ASXL2: variants seen among roughly 807,000 people sequenced by gnomAD.
ASXL2 encodes the protein putative Polycomb group protein ASXL2.
A neutral mutation model predicts 122.0 loss-of-function variants in ASXL2; 23 were observed. That is an observed-to-expected ratio of 0.19 (90% CI 0.14 to 0.27). The LOEUF is 0.27. Among genes scored for constraint, ASXL2 ranks in the 10% least tolerant of loss-of-function variants. The pLI, the probability that ASXL2 is intolerant of heterozygous loss-of-function variation, is 1.00. For synonymous variants in ASXL2, 650 were observed against 637.0 expected, an observed-to-expected ratio of 1.02 and a Z score of -0.31; for missense variants, 1,518 against 1,713.8, an observed-to-expected ratio of 0.89 and a Z score of 2.02.
intron 10 of ASXL2, among the ~76,000 whole-genome samples, chr2:25,754,511 T>G (rs1250156280): frequency 1.3e-5 from 2 of 152,078 alleles, no homozygotes; most frequent in African/African-American, 4.8e-5. Flanking sequence ...AAAAGAGAGA[T>G]TTGGCTGTCA....
intron 1 of ASXL2, among the ~76,000 whole-genome samples, chr2:25,876,151 T>C (rs2090008189): frequency 1.3e-5 from 2 of 152,182 alleles, no homozygotes; most frequent in Non-Finnish European, 1.5e-5. Context: ...CTTCATGTAT[T>C]TGCCAGAATC....
intron 5 of ASXL2, among the ~76,000 whole-genome samples, chr2:25,778,424 T>C (rs1416317390): frequency 1.3e-5 from 2 of 152,142 alleles, no homozygotes; most frequent in Non-Finnish European, 2.9e-5. Flanking sequence ...AGAGCCTCTG[T>C]AGGGAGTGCA....
intron 12 of ASXL2, among the ~76,000 whole-genome samples, chr2:25,748,191 C>T (rs1261267400): frequency 6.7e-6 from 1 of 149,266 alleles, no homozygotes; most frequent in Middle Eastern, 3.5e-3. Flanking sequence ...GGGCAAAAAA[C>T]AAGCAATGAA....
intron 5 of ASXL2, among the ~76,000 whole-genome samples, chr2:25,798,601 T>C (rs887041664): frequency 7.2e-5 from 11 of 152,020 alleles, no homozygotes; most frequent in African/African-American, 2.7e-4. Context: ...CCATCTCTAC[T>C]AAAAATACAA....
intron 5 of ASXL2, among the ~76,000 whole-genome samples, chr2:25,786,381 C>T (rs2088746811): frequency 6.6e-6 from 1 of 151,914 alleles, no homozygotes; most frequent in South Asian, 2.1e-4. Context: ...GCTGGGACTA[C>T]AGGCGCATGC....
intron 11 of ASXL2, 149 bp downstream of exon 11, chr2:25,753,385 A>G (rs2149142827): frequency 1.9e-6 from 1 of 528,926 alleles, no homozygotes; most frequent in East Asian, 3.1e-5. Context: ...CTTCCTAAAG[A>G]AGAATCAGTG....
intron 5 of ASXL2, among the ~76,000 whole-genome samples, chr2:25,785,251 A>G (rs2088719124): frequency 6.6e-6 from 1 of 152,310 alleles, no homozygotes; most frequent in South Asian, 2.1e-4. Context: ...TTTGAGACAG[A>G]GTCTCGCTCT....
At chr2:25,844,648 A>G (rs1229645550) in intron 2 of ASXL2, among the ~76,000 whole-genome samples, 2 of 145,760 alleles carry the variant, frequency 1.4e-5, no homozygotes, top group Non-Finnish European at 1.6e-5. Flanking sequence ...GTATTACTGT[A>G]ATTTTTTTTT....
intron 4 of ASXL2, among the ~76,000 whole-genome samples, 160 bp from the exon 5 acceptor site, chr2:25,799,695 T>C (rs1462051110): frequency 6.6e-6 from 1 of 152,158 alleles, no homozygotes; most frequent in African/African-American, 2.4e-5. Context: ...TGTCATCTCT[T>C]TGAGGCAAAT....
rs147105802 is a variant in ASXL2, at chr2:25,790,843, A to T, written c.403+8542T>A. 3.8e-3 allele frequency among the ~76,000 whole-genome samples: 485 copies of T among 129,260 alleles called. 2 individuals carry two copies. The highest frequency in any genetic ancestry group is 0.014 in the African/African-American group (470 of 33,740). The allele number at this position is 129,260 out of a possible 152,430, so 84.8% of individuals were successfully genotyped here. A position where few individuals can be genotyped will look rare whatever the true frequency, so the allele number is the denominator to read the frequency against. On this transcript the variant is annotated intron_variant, in intron 5 of 12. Transcript: ENST00000435504. ...TTTTGAGACAGGGTCTCTCTCTGTC[A>T]CTCAGGCTGGAATACAGTGGCATCA... is the stretch of plus-strand genomic sequence containing the variant.
At chr2:25,771,900 A>G (rs1485285237) in intron 5 of ASXL2, among the ~76,000 whole-genome samples, 1 of 152,236 alleles carries the variant, frequency 6.6e-6, no homozygotes, top group Non-Finnish European at 1.5e-5. Context: ...TGACAACACG[A>G]TACAGTGGAA....
chr2:25,824,895 GA>G (rs1266311184), intron 3 of ASXL2, among the ~76,000 whole-genome samples: 1 of 152,108 alleles, frequency 6.6e-6, no homozygotes, highest in African/African-American at 2.4e-5. Flanking sequence ...ACATGTAAAT[GA>G]AGTCCAGAAT....
intron 5 of ASXL2, among the ~76,000 whole-genome samples, chr2:25,788,795 C>G (rs1009199133): frequency 2.0e-5 from 3 of 152,022 alleles, no homozygotes; most frequent in Non-Finnish European, 2.9e-5. Flanking sequence ...TTCTTACTAA[C>G]TTGTAGGAGT....
chr2:25,802,614 T>G (rs1360890026), intron 4 of ASXL2, among the ~76,000 whole-genome samples: 1 of 152,134 alleles, frequency 6.6e-6, no homozygotes, highest in Non-Finnish European at 1.5e-5. Context: ...TAGGAGCATC[T>G]TTTCTTCCTC....
At chr2:25,845,031 A>C (rs534138836) in intron 2 of ASXL2, among the ~76,000 whole-genome samples, 91 of 152,200 alleles carry the variant, frequency 6.0e-4, no homozygotes, top group Non-Finnish European at 1.1e-3. Context: ...TGAACATGTT[A>C]AGACTATTAT....
At chr2:25,859,575 C>T (rs1027114079) in intron 1 of ASXL2, among the ~76,000 whole-genome samples, 3 of 152,168 alleles carry the variant, frequency 2.0e-5, no homozygotes, top group Non-Finnish European at 2.9e-5. Flanking sequence ...TTAAAATGGA[C>T]TAAGCATATT....
At chr2:25,840,794 C>T (rs1287760533) in intron 2 of ASXL2, among the ~76,000 whole-genome samples, 2 of 152,142 alleles carry the variant, frequency 1.3e-5, no homozygotes, top group East Asian at 1.9e-4. Context: ...GTTGTTACCA[C>T]TTTAATAAAT....
At chr2:25,873,801 G>A (rs537902382) in intron 1 of ASXL2, among the ~76,000 whole-genome samples, 9 of 151,336 alleles carry the variant, frequency 5.9e-5, no homozygotes, top group Admixed American at 3.9e-4. Flanking sequence ...TCCCTTAAGT[G>A]TATAATCTCT....
rs2087837870 is a variant in ASXL2 at position 25,742,056 on chromosome 2, C to G, written c.4281G>C (p.Leu1427=). 1 of 1,613,646 alleles carries G rather than the reference C, an allele frequency of 6.2e-7. No homozygotes were observed. Among genetic ancestry groups the G allele is most frequent in the Non-Finnish European group, 8.5e-7 (1 of 1,179,624 alleles). ...ACCGAACGACAAGGCAGGAGACGCA[C>G]AGTTTGGAGGGGCCGATGCAATCAT... ...CHDDCIGPSK[L]CVSCLVVR is the part of the protein sequence containing the mutation. Residue 1427 remains leucine (L), a synonymous_variant, in exon 13 of 13, where the codon CTG becomes CTC. Transcript: ENST00000435504.
Sources: gnomAD v4.1 joint callset for allele counts (sites outside exome capture counted in the v4.1 genomes callset) on GRCh38, gnomAD v4.1.1 for gene constraint, MANE v1.5 for transcripts, NCBI Gene and HGNC (gene_info 2026-07-23, HGNC 2026-07-21) for gene names.